The following AJAP1 variants were observed in gnomAD, a reference collection of about 807,000 sequenced individuals.
AJAP1 encodes the protein adherens junctions associated protein 1, also known as adherens junction-associated protein 1.
Under a neutral mutation model 35.0 loss-of-function variants are expected in AJAP1, and 5 were observed. The ratio of observed to expected loss-of-function variants is 0.14; its 90% CI spans 0.07 to 0.30. AJAP1 has a LOEUF of 0.30. Ranked by LOEUF, AJAP1 falls within the 10% of genes least tolerant of loss-of-function variation. The pLI is 1.00. For missense variants in AJAP1, 586 were observed against 571.0 expected, an observed-to-expected ratio of 1.03 and a Z score of -0.27; for synonymous variants, 284 against 249.3, an observed-to-expected ratio of 1.14 and a Z score of -1.31.
At chr1:4,704,576 T>A (rs1640060431) in intron 1 of AJAP1, among the ~76,000 whole-genome samples, 2 of 152,190 alleles carry the variant, frequency 1.3e-5, no homozygotes. Flanking sequence ...TTTGGGTTAG[T>A]TCCAAGTCTT....
At chr1:4,755,335 C>T (rs1161491494) in intron 2 of AJAP1, among the ~76,000 whole-genome samples, 1 of 152,138 alleles carries the variant, frequency 6.6e-6, no homozygotes, top group Non-Finnish European at 1.5e-5. Context: ...TCCTCTCTCA[C>T]ACCACCCCCA....
rs57497652 is a variant in AJAP1 at position 4,706,947 on chromosome 1, G to T, written c.30-4953G>T. ...TTTGGAAGCAGCTGGGGAGCAGGGG[G>T]TGGTGGCAAGGAGTTTATTCTTTCT... On this transcript the variant is annotated intron_variant, in intron 1 of 5. Transcript: ENST00000378191. Among the ~76,000 whole-genome samples the T allele has an allele frequency of 7.7e-4, 118 of 152,310 alleles. 1 individual carries two copies. Among genetic ancestry groups the T allele is most frequent in the African/African-American group, 2.6e-3 (108 of 41,574 alleles).
At position 4,712,171 on chromosome 1, in the gene AJAP1, G is replaced by C. The variant is rs1449703857; in HGVS notation, c.301G>C (p.Ala101Pro). 6.4e-7 allele frequency: 1 copy of C among 1,564,688 alleles called. No individual in the cohort carries two copies. Residue 101 changes from alanine to proline, a missense_variant, in exon 2 of 6, where the codon GCC becomes CCC. Transcript: ENST00000378191. The part of the protein sequence containing the change: ...GQMQMPRARR[A>P]HRPRDQAAAL... ...GATGCAGATGCCTCGAGCCAGACGGGCCCACAGGCCCCGGGACCAGGCGGC... is the reference window on the plus strand; with the variant it reads ...GATGCAGATGCCTCGAGCCAGACGGCCCCACAGGCCCCGGGACCAGGCGGC...
chr1:4,758,786 C>T (rs1641497855), intron 2 of AJAP1, among the ~76,000 whole-genome samples: 1 of 152,144 alleles, frequency 6.6e-6, no homozygotes, highest in South Asian at 2.1e-4. Context: ...GGCTGCTGCT[C>T]GATTGACAGC....
chr1:4,751,428 C>T (rs1222979598), intron 2 of AJAP1, among the ~76,000 whole-genome samples: 1 of 152,192 alleles, frequency 6.6e-6, no homozygotes, highest in African/African-American at 2.4e-5. Flanking sequence ...AGGTGTGCCC[C>T]AGCAAGGAGA....
chr1:4,677,545 C>T (rs2071989), intron 1 of AJAP1, among the ~76,000 whole-genome samples: 11,562 of 151,630 alleles, frequency 0.076, 610 homozygotes, highest in East Asian at 0.22. Context: ...CACTCTGTGA[C>T]GCCAAGCAGA....
intron 2 of AJAP1, among the ~76,000 whole-genome samples, chr1:4,715,456 GA>G (rs1488684645): frequency 1.3e-5 from 2 of 152,222 alleles, no homozygotes; most frequent in African/African-American, 4.8e-5. Context: ...GGCTGAGGCG[GA>G]TGGATCACCT....
In AJAP1 at chr1:4,712,241, C is replaced by T; in HGVS notation, c.371C>T (p.Ala124Val). 6.5e-7 allele frequency: 1 copy of T among 1,531,630 alleles called. No homozygotes were observed. The allele number at this position is 1,531,630 out of a possible 1,614,324, so 94.9% of individuals were successfully genotyped here. ...KAGLAKPPAA[A>V]KSSPSLASSS... ...GGACTGGCCAAGCCCCCAGCTGCTG[C>T]CAAATCCAGCCCTTCCCTCGCCTCT... The change falls in exon 2 of 6, where the codon GCC becomes GTC. Residue 124 changes from alanine to valine, a missense_variant. Coordinates refer to ENST00000378191, the MANE Select transcript of AJAP1 (RefSeq NM_018836.4).
At chr1:4,762,659 T>G (rs1445449921) in intron 2 of AJAP1, among the ~76,000 whole-genome samples, 2 of 152,226 alleles carry the variant, frequency 1.3e-5, no homozygotes, top group African/African-American at 2.4e-5. Flanking sequence ...ATCCTTGTGC[T>G]GTGATAAACT....
At chr1:4,739,663 A>T (rs906111235) in intron 2 of AJAP1, among the ~76,000 whole-genome samples, 2 of 152,122 alleles carry the variant, frequency 1.3e-5, no homozygotes, top group Non-Finnish European at 2.9e-5. Flanking sequence ...GCATATTTTT[A>T]AAAGGAGAAA....
chr1:4,763,301 GTGT>G (rs1279461858), intron 2 of AJAP1, among the ~76,000 whole-genome samples: 4 of 152,224 alleles, frequency 2.6e-5, no homozygotes, highest in Admixed American at 6.5e-5. Flanking sequence ...GCCCTTCACT[GTGT>G]TGTTGTGACC....
At chr1:4,731,980 A>T (rs1640807218) in intron 2 of AJAP1, among the ~76,000 whole-genome samples, 1 of 152,184 alleles carries the variant, frequency 6.6e-6, no homozygotes, top group African/African-American at 2.4e-5. Flanking sequence ...TTCCCGATAA[A>T]GGCAGCAGCC....
intron 1 of AJAP1, among the ~76,000 whole-genome samples, chr1:4,709,128 G>A (rs956350143): frequency 1.3e-5 from 2 of 152,258 alleles, no homozygotes; most frequent in African/African-American, 4.8e-5. Flanking sequence ...TAGGTGCTAT[G>A]GTTTTAATTT....
rs146159062 is a variant in AJAP1 at position 4,712,422 on chromosome 1, G to C, written c.552G>C (p.Gly184=). The part of the protein sequence containing the change: ...PTTETEFIAW[G]PTGDEEALES... ...CAGAGACTGAGTTCATCGCCTGGGG[G>C]CCCACGGGGGACGAGGAGGCCCTGG... Residue 184 remains glycine (G), a synonymous_variant, in exon 2 of 6, where the codon GGG becomes GGC. Coordinates refer to ENST00000378191, the MANE Select transcript of AJAP1 (RefSeq NM_018836.4). 2 of 1,601,056 alleles carry C rather than the reference G, an allele frequency of 1.2e-6. No homozygotes were observed. The highest frequency in any genetic ancestry group is 4.5e-5 in the East Asian group (2 of 44,380).
At chr1:4,659,301 T>C (rs568731610) in intron 1 of AJAP1, among the ~76,000 whole-genome samples, 1 of 152,284 alleles carries the variant, frequency 6.6e-6, no homozygotes, top group African/African-American at 2.4e-5. Flanking sequence ...TTGATCTAGA[T>C]TTTACATTTG....
In AJAP1 at chr1:4,723,803, G is replaced by A. The variant is rs1480028337; in HGVS notation, c.829+11104G>A. Among the ~76,000 whole-genome samples, 4 of 151,728 alleles carry A rather than the reference G, an allele frequency of 2.6e-5. No individual in the cohort carries two copies. The highest frequency in any genetic ancestry group is 4.8e-5 in the African/African-American group (2 of 41,274). ...TTTCGTTTTGATTTTTTTTTTTATC[G>A]TGGGAGTATTCAGGCACGTCTTTCT... is the stretch of plus-strand genomic sequence containing the variant. On this transcript the variant is annotated intron_variant, in intron 2 of 5. Transcript: ENST00000378191. This position sits in a 1 kb window ranked among gnomAD's most constrained non-coding sequence, Gnocchi z 4.3.
At chr1:4,729,279 G>C (rs1483938385) in intron 2 of AJAP1, among the ~76,000 whole-genome samples, 1 of 152,110 alleles carries the variant, frequency 6.6e-6, no homozygotes, top group African/African-American at 2.4e-5. Context: ...ACAGGGCAGG[G>C]CCCGAGTCTC....
chr1:4,754,645 A>T (rs1557640861), intron 2 of AJAP1, among the ~76,000 whole-genome samples: 1 of 152,178 alleles, frequency 6.6e-6, no homozygotes, highest in Non-Finnish European at 1.5e-5. Flanking sequence ...TCCAGACTGA[A>T]ACTGAACATT....
Position 4,787,589 on chromosome 1 carries a change from G to C in AJAP1, c.*5104G>C, listed in dbSNP as rs991551953. ...AAATTCCTCTGTCATTCCAGCAAGA[G>C]TGGAAGCAGAGGGGCAGGGGCAGGG... On this transcript the variant is annotated 3_prime_UTR_variant, in exon 6 of 6. Transcript: ENST00000378191. The C allele has an allele frequency of 4.6e-6, 2 of 430,262 alleles. No homozygotes were observed. Among genetic ancestry groups the C allele is most frequent in the African/African-American group, 4.1e-5 (2 of 49,148 alleles). 26.7% of individuals were successfully genotyped at this position (430,262 alleles called of 1,614,324 possible).
Sources: gnomAD v4.1 joint callset for allele counts (sites outside exome capture counted in the v4.1 genomes callset) on GRCh38, gnomAD v4.1.1 for gene constraint, Gnocchi (gnomAD v3.1) non-coding constraint, MANE v1.5 for transcripts, NCBI Gene and HGNC (gene_info 2026-07-23, HGNC 2026-07-21) for gene names.